ULK4: variants seen among roughly 807,000 people sequenced by gnomAD.
ULK4 encodes inactive serine/threonine-protein kinase ULK4.
Under a neutral mutation model 160.6 loss-of-function variants are expected in ULK4, and 133 were observed. The observed-to-expected ratio is 0.83, with a 90% CI of 0.72 to 0.96. ULK4 has a LOEUF of 0.96. Ranked by LOEUF, ULK4 falls within the 40% of genes least tolerant of loss-of-function variation. ULK4 has a pLI of 0.00. For synonymous variants in ULK4, 534 were observed against 539.8 expected, an observed-to-expected ratio of 0.99 and a Z score of 0.15; for missense variants, 1,580 against 1,499.5, an observed-to-expected ratio of 1.05 and a Z score of -0.89.
At chr3:41,669,870 G>A (rs1559474257) in intron 29 of ULK4, among the ~76,000 whole-genome samples, 1 of 151,938 alleles carries the variant, frequency 6.6e-6, no homozygotes, top group Non-Finnish European at 1.5e-5. Flanking sequence ...AGGAATAGTG[G>A]GGACAGACAG....
chr3:41,589,430 C>CCAA (rs2031108357), intron 31 of ULK4, among the ~76,000 whole-genome samples: 1 of 72,114 alleles, frequency 1.4e-5, no homozygotes, highest in Non-Finnish European at 2.7e-5. Context: ...AAGGCCAGGC[C>CCAA]AAAAAAAAAA....
chr3:41,505,306 C>G (rs181975313), intron 32 of ULK4, among the ~76,000 whole-genome samples: 1 of 152,112 alleles, frequency 6.6e-6, no homozygotes, highest in Non-Finnish European at 1.5e-5. Flanking sequence ...AAAATCATTA[C>G]TGCCCTAACT....
intron 35 of ULK4, among the ~76,000 whole-genome samples, chr3:41,267,404 G>A (rs150961438): frequency 9.1e-4 from 138 of 152,032 alleles, no homozygotes; most frequent in African/African-American, 3.0e-3. Flanking sequence ...TTCTTTATCC[G>A]GTCTATCATT....
At chr3:41,860,250 A>C (rs1193157751) in intron 17 of ULK4, among the ~76,000 whole-genome samples, 2 of 152,160 alleles carry the variant, frequency 1.3e-5, no homozygotes, top group African/African-American at 4.8e-5. Context: ...CTTTTTGTCT[A>C]TAGTGAAGAT....
chr3:41,871,516 C>T (rs1697091092), intron 17 of ULK4, among the ~76,000 whole-genome samples: 1 of 152,224 alleles, frequency 6.6e-6, no homozygotes, highest in Admixed American at 6.5e-5. Flanking sequence ...GCATCCTTGA[C>T]AGCACTTGGT....
chr3:41,481,068 A>G (rs565065232), intron 32 of ULK4, among the ~76,000 whole-genome samples: 1 of 152,284 alleles, frequency 6.6e-6, no homozygotes, highest in East Asian at 1.9e-4. Context: ...AATGTATGTT[A>G]ATAAATAGTT....
chr3:41,410,631 G>A (rs1559579985), intron 34 of ULK4, among the ~76,000 whole-genome samples: 1 of 130,778 alleles, frequency 7.6e-6, no homozygotes, highest in Admixed American at 7.1e-5. Flanking sequence ...ATGTACTTTT[G>A]AGAGGTTAAT....
chr3:41,378,432 C>G (rs1354747350), intron 35 of ULK4, among the ~76,000 whole-genome samples: 3 of 151,320 alleles, frequency 2.0e-5, no homozygotes, highest in African/African-American at 7.3e-5. Flanking sequence ...TACATATACA[C>G]CATGGAATAC....
intron 34 of ULK4, among the ~76,000 whole-genome samples, chr3:41,432,768 G>C (rs896844710): frequency 6.6e-6 from 1 of 152,124 alleles, no homozygotes; most frequent in Non-Finnish European, 1.5e-5. Context: ...TATTTAATAT[G>C]TGGCAAAGGA....
At chr3:41,636,162 C>A (rs1004091006) in intron 30 of ULK4, among the ~76,000 whole-genome samples, 1 of 152,166 alleles carries the variant, frequency 6.6e-6, no homozygotes, top group African/African-American at 2.4e-5. Context: ...GCCTACTTCA[C>A]TTGGTGACAG....
chr3:41,285,183 T>C (rs994338097), intron 35 of ULK4, among the ~76,000 whole-genome samples: 43 of 152,146 alleles, frequency 2.8e-4, no homozygotes, highest in African/African-American at 1.0e-3. Flanking sequence ...AGTGTGGAGA[T>C]TCCTTAAAGA....
intron 32 of ULK4, among the ~76,000 whole-genome samples, chr3:41,532,746 G>C (rs115279355): frequency 0.029 from 4,405 of 152,128 alleles, 148 homozygotes; most frequent in African/African-American, 0.08. Context: ...GGCCCATAAA[G>C]CTTAAAATAT....
intron 32 of ULK4, among the ~76,000 whole-genome samples, chr3:41,495,576 A>T (rs1300404771): frequency 6.6e-6 from 1 of 150,880 alleles, no homozygotes; most frequent in East Asian, 1.9e-4. Flanking sequence ...AAATTGACAA[A>T]TGGGATCTAA....
intron 31 of ULK4, among the ~76,000 whole-genome samples, chr3:41,568,378 T>C (rs571884477): frequency 3.3e-5 from 5 of 152,204 alleles, no homozygotes; most frequent in Non-Finnish European, 4.4e-5. Context: ...AGTAGACATA[T>C]GTTTATTCTC....
At position 41,631,292 on chromosome 3, in the gene ULK4, T is replaced by C. The variant is rs547428525; in HGVS notation, c.3072-15575A>G. ...ATAAATAAATTTTAGAACTGGTCAT[T>C]TTACAAAGATCTACAGCGTCCTCCT... On this transcript the variant is annotated intron_variant, in intron 30 of 36. Transcript: ENST00000301831. 2.0e-5 allele frequency among the ~76,000 whole-genome samples: 3 copies of C among 152,278 alleles called. No homozygotes were observed. In the South Asian group the frequency reaches 6.2e-4, roughly 32 times the overall value.
intron 22 of ULK4, among the ~76,000 whole-genome samples, chr3:41,737,530 G>C (rs550968109): frequency 6.6e-6 from 1 of 151,890 alleles, no homozygotes; most frequent in South Asian, 2.1e-4. Flanking sequence ...AGTTCATATG[G>C]AACCAAAAAA....
intron 34 of ULK4, among the ~76,000 whole-genome samples, chr3:41,418,160 A>G (rs1039532101): frequency 1.3e-5 from 2 of 152,154 alleles, no homozygotes; most frequent in Admixed American, 1.3e-4. Flanking sequence ...GGTTAGGAGC[A>G]TTAACCCTCT....
At chr3:41,482,804 A>T (rs993543890) in intron 32 of ULK4, among the ~76,000 whole-genome samples, 1 of 152,144 alleles carries the variant, frequency 6.6e-6, no homozygotes, top group African/African-American at 2.4e-5. Flanking sequence ...TTCCTTTTTT[A>T]AAAAAATTCA....
chr3:41,899,803 C>G (rs1243813778), intron 13 of ULK4, among the ~76,000 whole-genome samples: 1 of 152,152 alleles, frequency 6.6e-6, no homozygotes, highest in African/African-American at 2.4e-5. Context: ...TAAAGTTACT[C>G]TGCCAGACAT....
Sources: gnomAD v4.1 joint callset for allele counts (sites outside exome capture counted in the v4.1 genomes callset) on GRCh38, gnomAD v4.1.1 for gene constraint, MANE v1.5 for transcripts, NCBI Gene and HGNC (gene_info 2026-07-23, HGNC 2026-07-21) for gene names.